Variants in ZNF236 observed in about 807,000 individuals in gnomAD.
ZNF236 encodes the protein zinc finger protein 236.
A neutral mutation model predicts 191.2 loss-of-function variants in ZNF236; 50 were observed. The observed-to-expected ratio is 0.26, with a 90% CI of 0.21 to 0.33. The LOEUF is 0.33. Among genes scored for constraint, ZNF236 ranks in the 10% least tolerant of loss-of-function variants. The pLI, the probability that ZNF236 is intolerant of heterozygous loss-of-function variation, is 1.00. For synonymous variants in ZNF236, 907 were observed against 928.8 expected, an observed-to-expected ratio of 0.98 and a Z score of 0.43; for missense variants, 1,754 against 2,374.5, an observed-to-expected ratio of 0.74 and a Z score of 5.43.
chr18:76,846,000 G>T (rs1348191135), intron 1 of ZNF236, among the ~76,000 whole-genome samples: 1 of 152,254 alleles, frequency 6.6e-6, no homozygotes, highest in Non-Finnish European at 1.5e-5. Flanking sequence ...GGTGTGTGGA[G>T]ACGTGTGCAT....
chr18:76,825,068 C>T (rs1396715117), intron 1 of ZNF236, among the ~76,000 whole-genome samples: 1 of 152,234 alleles, frequency 6.6e-6, no homozygotes, highest in African/African-American at 2.4e-5. Flanking sequence ...TCTGACTCTT[C>T]TCTCTTTCCT....
chr18:76,928,762 T>C (rs1967774395), intron 25 of ZNF236, among the ~76,000 whole-genome samples: 1 of 152,058 alleles, frequency 6.6e-6, no homozygotes, highest in Non-Finnish European at 1.5e-5. Context: ...TCAGTGAGCA[T>C]TGAACATATT....
intron 2 of ZNF236, among the ~76,000 whole-genome samples, chr18:76,850,220 A>C (rs1319795677): frequency 1.3e-5 from 2 of 152,224 alleles, no homozygotes; most frequent in East Asian, 1.9e-4. Context: ...AACTATAATT[A>C]AAAAAGTGAT....
chr18:76,860,113 T>C (rs1429313042), intron 3 of ZNF236, among the ~76,000 whole-genome samples: 1 of 152,068 alleles, frequency 6.6e-6, no homozygotes, highest in African/African-American at 2.4e-5. Context: ...GTCAGGGCCA[T>C]GGGAATGTTG....
rs1027989878 is a variant in ZNF236, at chr18:76,895,903, C to T, written c.1690+618C>T. Among the ~76,000 whole-genome samples the T allele has an allele frequency of 2.0e-5, 3 of 147,312 alleles. No homozygotes were observed. The East Asian group carries it at 6.0e-4, about 29-fold the overall frequency. On this transcript the variant is annotated intron_variant, in intron 10 of 30. Coordinates refer to ENST00000320610, the MANE Select transcript of ZNF236 (RefSeq NM_001306089.2). Reference sequence around the variant, plus strand: ...AGTGCTGTACCCACACTGGTACTGCCCACAGAAACTGCACACAAGTATCAA... The same window carrying T: ...AGTGCTGTACCCACACTGGTACTGCTCACAGAAACTGCACACAAGTATCAA...
At chr18:76,832,978 C>T (rs111618631) in intron 1 of ZNF236, among the ~76,000 whole-genome samples, 1 of 152,052 alleles carries the variant, frequency 6.6e-6, no homozygotes, top group African/African-American at 2.4e-5. Flanking sequence ...TTTCCTGAAA[C>T]TATTGTTGAT....
chr18:76,927,145 G>T lies in ZNF236; in HGVS notation c.4136G>T (p.Gly1379Val). ...NLVGPNVQIS[G>V]IDAASINNIT... ...GTTGGACCAAATGTACAGATTTCTG[G>T]AATCGATGCTGCCAGCATTAATAAC... Residue 1379 changes from glycine to valine, a missense_variant, in exon 23 of 31, where the codon GGA (glycine) becomes GTA (valine). Around this residue, in one of 5 missense-constraint regions of ZNF236, gnomAD observed 606 missense variants for 761.5 expected, o/e 0.80. Coordinates refer to ENST00000320610, the MANE Select transcript of ZNF236 (RefSeq NM_001306089.2). This position sits in a 1 kb window ranked among gnomAD's most constrained non-coding sequence, Gnocchi z 5.4. 1 of 1,614,072 alleles carries T rather than the reference G, an allele frequency of 6.2e-7. No individual in the cohort carries two copies. The highest frequency in any genetic ancestry group is 1.1e-5 in the South Asian group (1 of 91,078).
intron 7 of ZNF236, among the ~76,000 whole-genome samples, 195 bp downstream of exon 7, chr18:76,878,347 G>A (rs1023580029): frequency 2.0e-5 from 3 of 152,110 alleles, no homozygotes; most frequent in African/African-American, 4.8e-5. Flanking sequence ...GATTCAGACT[G>A]TCATCTGAAC....
chr18:76,848,052 T>G (rs1036518666), intron 1 of ZNF236, among the ~76,000 whole-genome samples: 6 of 152,228 alleles, frequency 3.9e-5, no homozygotes, highest in Admixed American at 1.3e-4. Flanking sequence ...CCACCCTGTC[T>G]CTGTGCCCCT....
intron 1 of ZNF236, chr18:76,834,992 T>C (rs76142534): frequency 5.7e-6 from 1 of 176,164 alleles, no homozygotes; most frequent in African/African-American, 2.4e-5. Context: ...TTTTTTTTTT[T>C]TCTCAGCTTC....
chr18:76,968,259 G>T lies in ZNF236; in HGVS notation c.5464G>T (p.Glu1822Ter). Residue 1822 changes from glutamate (E) to a stop codon, truncating the protein, a stop_gained, in exon 31 of 31, where the codon GAG (glutamate) becomes TAG (stop). Coordinates refer to ENST00000320610, the MANE Select transcript of ZNF236 (RefSeq NM_001306089.2). LOFTEE classifies it high-confidence loss of function. ...SAGHPEQDGE[E>*]LSRTLHLEEV... ...AGGTCACCCGGAGCAGGACGGGGAG[G>T]AGCTGAGCCGGACCCTCCACCTGGA... is the stretch of plus-strand genomic sequence containing the variant. 1 of 1,612,540 alleles carries T rather than the reference G, an allele frequency of 6.2e-7. No individual in the cohort carries two copies. Among genetic ancestry groups the T allele is most frequent in the South Asian group, 1.1e-5 (1 of 90,634 alleles).
intron 9 of ZNF236, chr18:76,885,063 C>T (rs1230296806): frequency 6.6e-6 from 1 of 152,120 alleles, no homozygotes; most frequent in Non-Finnish European, 1.5e-5. Flanking sequence ...TGAAGTAGAC[C>T]CAGGGAGATG....
rs1332334871 is a variant in ZNF236 at position 76,927,192 on chromosome 18, C to G, written c.4173+10C>G. On this transcript the variant is annotated intron_variant, in intron 23 of 30. Transcript: ENST00000320610. This position sits in a 1 kb window ranked among gnomAD's most constrained non-coding sequence, Gnocchi z 5.4. ...TAACATTACGTTGCAGGTATGACAC[C>G]TTCCATGGTCTCCTGTGCTGTAATT... 2 of 1,612,308 alleles carry G rather than the reference C, an allele frequency of 1.2e-6. No homozygotes were observed. The highest frequency in any genetic ancestry group is 1.7e-6 in the Non-Finnish European group (2 of 1,178,422).
chr18:76,843,803 A>AAAG (rs1555685782), intron 1 of ZNF236, among the ~76,000 whole-genome samples: 21,389 of 61,056 alleles, frequency 0.35, 8,167 homozygotes, highest in Non-Finnish European at 0.42. Flanking sequence ...AAAAAAAAAA[A>AAAG]AAGTAAAGAA....
At chr18:76,955,787 C>T (rs1968508687) in intron 27 of ZNF236, among the ~76,000 whole-genome samples, 198 bp from the exon 28 acceptor site, 2 of 152,204 alleles carry the variant, frequency 1.3e-5, no homozygotes, top group Admixed American at 6.5e-5. Flanking sequence ...CTCAATCTTG[C>T]AGGACACAGT....
At position 76,880,589 on chromosome 18, in the gene ZNF236, G is replaced by A. The variant is rs1976864086; in HGVS notation, c.1188+273G>A. Among the ~76,000 whole-genome samples the A allele has an allele frequency of 1.3e-5, 2 of 151,390 alleles. No individual in the cohort carries two copies. Among genetic ancestry groups the A allele is most frequent in the African/African-American group, 4.9e-5 (2 of 41,134 alleles). ...TTACTTGAAAAGAACAGGCTTTTCC[G>A]AAGTTGTATCTATTTATGTTGACAG... On this transcript the variant is annotated intron_variant, in intron 8 of 30. Transcript: ENST00000320610. The surrounding 1 kb of genome is among the most constrained non-coding windows in gnomAD (Gnocchi z 5.0).
chr18:76,829,620 C>A (rs1051032583), intron 1 of ZNF236, among the ~76,000 whole-genome samples: 2 of 152,182 alleles, frequency 1.3e-5, no homozygotes, highest in African/African-American at 4.8e-5. Context: ...AGCCATGGCA[C>A]CCAGCCGGTT....
chr18:76,861,962 C>T (rs147254476), intron 3 of ZNF236, among the ~76,000 whole-genome samples: 1,706 of 152,308 alleles, frequency 0.011, 21 homozygotes, highest in Non-Finnish European at 0.014. Context: ...CTCCTGGGTT[C>T]AAGCCATTCT....
At position 76,883,318 on chromosome 18, in the gene ZNF236, T is replaced by G. The variant is rs574049969; in HGVS notation, c.1417+1806T>G. On this transcript the variant is annotated intron_variant, in intron 9 of 30. Coordinates refer to ENST00000320610, the MANE Select transcript of ZNF236 (RefSeq NM_001306089.2). ...GCAAGTGCATGCAGTTCTAATAATT[T>G]CCCATTACATTCATGGGATCCCTAG... is the stretch of plus-strand genomic sequence containing the variant. Among the ~76,000 whole-genome samples, 33 of 151,680 alleles carry G rather than the reference T, an allele frequency of 2.2e-4. No homozygotes were observed. In the South Asian group the frequency reaches 6.9e-3, roughly 32 times the overall value.
Sources: gnomAD v4.1 joint callset for allele counts (sites outside exome capture counted in the v4.1 genomes callset) on GRCh38, gnomAD v4.1.1 for gene constraint, gnomAD v4.1.1 regional missense constraint, Gnocchi (gnomAD v3.1) non-coding constraint, MANE v1.5 for transcripts, NCBI Gene and HGNC (gene_info 2026-07-23, HGNC 2026-07-21) for gene names.